Variants in PAPSS1 observed in about 807,000 individuals in gnomAD.
PAPSS1 encodes the protein bifunctional 3'-phosphoadenosine 5'-phosphosulfate synthase 1.
Under a neutral mutation model 72.0 loss-of-function variants are expected in PAPSS1, and 50 were observed. The ratio of observed to expected loss-of-function variants is 0.69; its 90% CI spans 0.55 to 0.88. The LOEUF (loss-of-function observed/expected upper bound fraction) is 0.88. PAPSS1 is among the 40% of genes least tolerant of loss of function. PAPSS1 has a pLI of 0.00. For missense variants in PAPSS1, 657 were observed against 782.2 expected (o/e 0.84, Z 1.91); for synonymous variants, 261 against 263.6 (o/e 0.99, Z 0.09).
At chr4:107,659,836 C>A in intron 6 of PAPSS1, 123 bp downstream of exon 6, 3 of 494,782 alleles carry the variant, frequency 6.1e-6, no homozygotes, top group Non-Finnish European at 6.8e-6. Flanking sequence ...ACATATACCA[C>A]AACATCTTTG....
intron 9 of PAPSS1, 27 bp from the exon 10 acceptor site, chr4:107,645,097 A>T (rs1179129069): frequency 1.4e-5 from 20 of 1,469,658 alleles, no homozygotes; most frequent in Non-Finnish European, 1.8e-5. Context: ...CAGAGTTAAG[A>T]ATAGCATGTT....
intron 10 of PAPSS1, among the ~76,000 whole-genome samples, chr4:107,639,984 C>T (rs1481127330): frequency 6.6e-6 from 1 of 152,152 alleles, no homozygotes; most frequent in Non-Finnish European, 1.5e-5. Flanking sequence ...ATAATCTCTA[C>T]CTCCAACTGC....
chr4:107,665,108 A>G (rs747911443), intron 5 of PAPSS1, among the ~76,000 whole-genome samples: 6 of 152,252 alleles, frequency 3.9e-5, no homozygotes, highest in Non-Finnish European at 7.3e-5. Context: ...TTGGGAATTA[A>G]TGCAAAAATA....
rs148086345 is a variant in PAPSS1 at position 107,692,778 on chromosome 4, G to GTATATATA, written c.411+985_411+992dup. ...AGACTGGATAAAGAAAACACGGTGT[G>GTATATATA]TATATATATATATATATATCATGGA... On this transcript the variant is annotated intron_variant, in intron 3 of 11. Coordinates refer to ENST00000265174, the MANE Select transcript of PAPSS1 (RefSeq NM_005443.5). Among the ~76,000 whole-genome samples the GTATATATA allele has an allele frequency of 1.4e-3, 203 of 147,068 alleles. 1 individual carries two copies. Among genetic ancestry groups the GTATATATA allele is most frequent in the African/African-American group, 4.8e-3 (194 of 40,144 alleles).
At chr4:107,640,206 C>G (rs1310295209) in intron 10 of PAPSS1, among the ~76,000 whole-genome samples, 1 of 152,156 alleles carries the variant, frequency 6.6e-6, no homozygotes, top group African/African-American at 2.4e-5. Context: ...TAATACCTCA[C>G]AAAGACAAAA....
chr4:107,641,554 T>C (rs986824767), intron 10 of PAPSS1, among the ~76,000 whole-genome samples: 3 of 152,246 alleles, frequency 2.0e-5, no homozygotes, highest in Non-Finnish European at 2.9e-5. Context: ...TGAGCTTCAG[T>C]AATCTCACTG....
chr4:107,680,706 T>C (rs1353330998), intron 5 of PAPSS1, among the ~76,000 whole-genome samples: 1 of 152,136 alleles, frequency 6.6e-6, no homozygotes, highest in African/African-American at 2.4e-5. Flanking sequence ...TGGTTGATGA[T>C]GGAAGATGAA....
intron 10 of PAPSS1, among the ~76,000 whole-genome samples, chr4:107,638,218 A>G (rs1726439654): frequency 1.3e-5 from 2 of 152,246 alleles, no homozygotes; most frequent in African/African-American, 4.8e-5. Flanking sequence ...TGCAAAAATT[A>G]TGAAATATAC....
rs779456781 is a variant in PAPSS1 at position 107,653,579 on chromosome 4, G to C, written c.1149C>G (p.Val383=). The C allele has an allele frequency of 6.2e-7, 1 of 1,613,306 alleles. No individual in the cohort carries two copies. Among genetic ancestry groups the C allele is most frequent in the South Asian group, 1.1e-5 (1 of 90,988 alleles). Reference sequence around the variant, plus strand: ...CATCATTCCAATAAACTCGATCCAAGACTTGAAGATCTCCTCCAATCAGCC... The same window carrying C: ...CATCATTCCAATAAACTCGATCCAACACTTGAAGATCTCCTCCAATCAGCC... ...GDWLIGGDLQ[V]LDRVYWNDGL... Residue 383 remains valine, a synonymous_variant, in exon 9 of 12, where the codon GTC becomes GTG. Coordinates refer to ENST00000265174, the MANE Select transcript of PAPSS1 (RefSeq NM_005443.5).
At chr4:107,710,808 GCT>G (rs553855269) in intron 1 of PAPSS1, among the ~76,000 whole-genome samples, 3 of 152,080 alleles carry the variant, frequency 2.0e-5, no homozygotes, top group South Asian at 2.1e-4. Flanking sequence ...GACAGCTCTG[GCT>G]CTCTCTCTCC....
intron 11 of PAPSS1, among the ~76,000 whole-genome samples, chr4:107,622,131 G>A (rs1422855122): frequency 2.0e-5 from 3 of 152,098 alleles, no homozygotes; most frequent in African/African-American, 7.2e-5. Flanking sequence ...CCCCATCAGG[G>A]CTTTAGAGAA....
At chr4:107,619,272 C>G (rs1725898828) in intron 11 of PAPSS1, among the ~76,000 whole-genome samples, 1 of 152,146 alleles carries the variant, frequency 6.6e-6, no homozygotes, top group African/African-American at 2.4e-5. Flanking sequence ...AACCAAGGTC[C>G]CTGGGTACCT....
chr4:107,709,081 G>A (rs1198858231), intron 1 of PAPSS1, among the ~76,000 whole-genome samples: 2 of 152,134 alleles, frequency 1.3e-5, no homozygotes, highest in Non-Finnish European at 2.9e-5. Flanking sequence ...GAGCCTCTGA[G>A]CCTACTCTGG....
chr4:107,688,432 A>C (rs1560585889), intron 3 of PAPSS1, among the ~76,000 whole-genome samples: 1 of 152,198 alleles, frequency 6.6e-6, no homozygotes, highest in Non-Finnish European at 1.5e-5. Context: ...CTCCAGGCTG[A>C]GTGACAGAGT....
chr4:107,703,710 TTA>T (rs1327175658), intron 1 of PAPSS1, among the ~76,000 whole-genome samples: 1 of 152,200 alleles, frequency 6.6e-6, no homozygotes, highest in Non-Finnish European at 1.5e-5. Context: ...GTTGTATGGT[TTA>T]TATGTTTGTT....
chr4:107,679,739 C>T (rs756868582), intron 5 of PAPSS1, among the ~76,000 whole-genome samples: 95 of 150,168 alleles, frequency 6.3e-4, no homozygotes, highest in South Asian at 1.3e-3. Flanking sequence ...AGAGCAGTGG[C>T]GCAATCTCGG....
intron 11 of PAPSS1, among the ~76,000 whole-genome samples, chr4:107,628,084 G>T (rs6828089): frequency 6.6e-6 from 1 of 151,912 alleles, no homozygotes; most frequent in Non-Finnish European, 1.5e-5. Context: ...AATATCTTCC[G>T]TCTTGAATTA....
chr4:107,675,357 C>T (rs543148662), intron 5 of PAPSS1, among the ~76,000 whole-genome samples: 13 of 152,214 alleles, frequency 8.5e-5, no homozygotes, highest in African/African-American at 3.1e-4. Context: ...GGGGATATCA[C>T]CCCCGATCCC....
intron 9 of PAPSS1, among the ~76,000 whole-genome samples, chr4:107,652,467 T>C (rs1726865882): frequency 6.6e-6 from 1 of 152,328 alleles, no homozygotes; most frequent in South Asian, 2.1e-4. Flanking sequence ...TGGAGTGCTT[T>C]ATAATATAGA....
Sources: allele counts gnomAD v4.1 joint callset (sites outside exome capture counted in the v4.1 genomes callset), GRCh38; gene constraint gnomAD v4.1.1; transcripts MANE v1.5; gene names NCBI Gene and HGNC (gene_info 2026-07-23, HGNC 2026-07-21).